Variants in CEP128 observed in about 807,000 individuals in gnomAD.
CEP128 encodes centrosomal protein 128kDa.
A neutral mutation model predicts 156.7 loss-of-function variants in CEP128; 132 were observed. The ratio of observed to expected loss-of-function variants is 0.84; its 90% CI spans 0.73 to 0.97. CEP128 has a LOEUF of 0.97. Ranked by LOEUF, CEP128 falls within the 50% of genes least tolerant of loss-of-function variation. CEP128 has a pLI of 0.00. For synonymous variants in CEP128, 469 were observed against 448.9 expected (o/e 1.04, Z -0.57); for missense variants, 1,252 against 1,281.9 (o/e 0.98, Z 0.36).
intron 8 of CEP128, among the ~76,000 whole-genome samples, chr14:80,868,111 A>G (rs778498423): frequency 1.3e-5 from 2 of 152,144 alleles, no homozygotes; most frequent in Non-Finnish European, 1.5e-5. Flanking sequence ...TATCATAACC[A>G]TTAATTTGCC....
chr14:80,629,379 C>T (rs1893868928), intron 19 of CEP128, among the ~76,000 whole-genome samples: 1 of 152,052 alleles, frequency 6.6e-6, no homozygotes, highest in Non-Finnish European at 1.5e-5. Context: ...ATTGCATTTT[C>T]TTTTCCTTTT....
chr14:80,729,161 C>T (rs1160296608), intron 19 of CEP128, among the ~76,000 whole-genome samples: 1 of 146,450 alleles, frequency 6.8e-6, no homozygotes, highest in East Asian at 2.1e-4. Context: ...TCCCTCACCC[C>T]CCTCCCATGC....
intron 19 of CEP128, among the ~76,000 whole-genome samples, chr14:80,732,313 T>C (rs1165529900): frequency 1.3e-5 from 2 of 152,136 alleles, no homozygotes; most frequent in Non-Finnish European, 2.9e-5. Context: ...GGCTAGAGTT[T>C]ACATAGAAAG....
At chr14:80,602,991 G>A (rs1440668890) in intron 19 of CEP128, among the ~76,000 whole-genome samples, 2 of 152,106 alleles carry the variant, frequency 1.3e-5, no homozygotes, top group Non-Finnish European at 2.9e-5. Context: ...ACAAAAACAC[G>A]ACATACTAAA....
Position 80,836,192 on chromosome 14 carries a change from A to T in CEP128, c.1057+13T>A. 6.2e-7 allele frequency: 1 copy of T among 1,613,498 alleles called. No individual in the cohort carries two copies. The highest frequency in any genetic ancestry group is 8.5e-7 in the Non-Finnish European group (1 of 1,179,678). On this transcript the variant is annotated intron_variant, in intron 12 of 24. Transcript: ENST00000555265. The stretch of plus-strand genomic sequence containing the variant: ...ACACATTATCACATTATTAGGTACA[A>T]ATCTACTTTTACCTCTCCTAAATCT...
intron 17 of CEP128, among the ~76,000 whole-genome samples, chr14:80,760,826 G>A (rs534979329): frequency 2.6e-5 from 4 of 152,056 alleles, no homozygotes; most frequent in Non-Finnish European, 5.9e-5. Context: ...AAATAGAAAA[G>A]CTAAATTAAA....
intron 19 of CEP128, among the ~76,000 whole-genome samples, chr14:80,605,877 G>A (rs1892755881): frequency 6.6e-6 from 1 of 151,858 alleles, no homozygotes; most frequent in Admixed American, 6.6e-5. Context: ...CATTTAAACA[G>A]AAGGGATTCA....
intron 19 of CEP128, among the ~76,000 whole-genome samples, chr14:80,635,222 T>C (rs1355270611): frequency 6.6e-6 from 1 of 152,158 alleles, no homozygotes; most frequent in Admixed American, 6.5e-5. Flanking sequence ...CATTGCAATG[T>C]TCTCCTTGGA....
intron 1 of CEP128, among the ~76,000 whole-genome samples, chr14:80,958,788 T>C (rs1371561554): frequency 6.6e-6 from 1 of 152,192 alleles, no homozygotes; most frequent in Non-Finnish European, 1.5e-5. Context: ...ACTTAAATTA[T>C]ACAGGATCTA....
intron 8 of CEP128, among the ~76,000 whole-genome samples, chr14:80,882,086 T>C (rs1309326825): frequency 6.6e-6 from 1 of 151,978 alleles, no homozygotes; most frequent in African/African-American, 2.4e-5. Flanking sequence ...ACAAACGGTA[T>C]CACATCAAGT....
intron 14 of CEP128, among the ~76,000 whole-genome samples, chr14:80,483,754 T>C (rs1274151959): frequency 3.3e-5 from 5 of 152,218 alleles, no homozygotes; most frequent in Non-Finnish European, 7.3e-5. Context: ...TCAAAGAGGT[T>C]ACTGTCTAGT....
chr14:80,486,602 T>A (rs1431753407), downstream of CEP128, among the ~76,000 whole-genome samples: 1 of 152,058 alleles, frequency 6.6e-6, no homozygotes. Flanking sequence ...GGAAAAAATG[T>A]TAAGGGCAGC....
intron 15 of CEP128, among the ~76,000 whole-genome samples, chr14:80,780,739 T>C (rs1303891660): frequency 6.6e-6 from 1 of 152,214 alleles, no homozygotes; most frequent in Non-Finnish European, 1.5e-5. Context: ...ATTGAGCAAG[T>C]TAGGAGCAAA....
At chr14:80,889,530 G>C (rs1418026851) in intron 8 of CEP128, among the ~76,000 whole-genome samples, 1 of 152,092 alleles carries the variant, frequency 6.6e-6, no homozygotes, top group Non-Finnish European at 1.5e-5. Flanking sequence ...AATGGAGAAA[G>C]GATTTCCTAT....
At chr14:80,677,583 G>A (rs1160838607) in intron 19 of CEP128, among the ~76,000 whole-genome samples, 1 of 151,018 alleles carries the variant, frequency 6.6e-6, no homozygotes, top group Non-Finnish European at 1.5e-5. Context: ...AAAGTTTAGT[G>A]GAAAATATCC....
intron 19 of CEP128, among the ~76,000 whole-genome samples, chr14:80,618,375 A>G (rs1333827024): frequency 1.3e-5 from 2 of 152,260 alleles, no homozygotes; most frequent in Non-Finnish European, 2.9e-5. Flanking sequence ...ATTCAAGATA[A>G]TATCAACACA....
chr14:80,523,476 T>C (rs1888841437), intron 23 of CEP128, among the ~76,000 whole-genome samples: 1 of 152,148 alleles, frequency 6.6e-6, no homozygotes, highest in Non-Finnish European at 1.5e-5. Context: ...TTCCTAAGGG[T>C]TGGTAATGTT....
At chr14:80,593,758 C>G (rs980865391) in intron 19 of CEP128, among the ~76,000 whole-genome samples, 5 of 152,054 alleles carry the variant, frequency 3.3e-5, no homozygotes, top group Non-Finnish European at 7.4e-5. Context: ...AGGAATACAA[C>G]TTACAAGGGA....
chr14:80,788,288 C>CTTTTT (rs10628361), intron 14 of CEP128, among the ~76,000 whole-genome samples: 3 of 97,244 alleles, frequency 3.1e-5, no homozygotes, highest in African/African-American at 3.9e-5. Context: ...TGGCCAGGAT[C>CTTTTT]TTTTTTTTTT....
Sources: gnomAD v4.1 joint callset for allele counts (sites outside exome capture counted in the v4.1 genomes callset) on GRCh38, gnomAD v4.1.1 for gene constraint, MANE v1.5 for transcripts, NCBI Gene and HGNC (gene_info 2026-07-23, HGNC 2026-07-21) for gene names.